GLG1: variants seen among roughly 807,000 people sequenced by gnomAD.
GLG1 encodes Golgi apparatus protein 1.
Under a neutral mutation model 160.5 loss-of-function variants are expected in GLG1, and 38 were observed. The ratio of observed to expected loss-of-function variants is 0.24; its 90% CI spans 0.18 to 0.31. GLG1 has a LOEUF of 0.31. Ranked by LOEUF, GLG1 falls within the 10% of genes least tolerant of loss-of-function variation. The pLI is 1.00. For missense variants in GLG1, 1,373 were observed against 1,505.2 expected (o/e 0.91, Z 1.45); for synonymous variants, 644 against 543.4 (o/e 1.19, Z -2.57).
rs1345157594 is a variant in GLG1 at position 74,485,732 on chromosome 16, G to GA, written c.1571+63dup. ...ACAACCACCCAAAAGTCATTTGAAG[G>GA]AATGTTCCCTGTGCTGCCAAATGAA... On this transcript the variant is annotated intron_variant, in intron 9 of 25. Transcript: ENST00000422840. 47 of 1,474,220 alleles carry GA rather than the reference G, an allele frequency of 3.2e-5. No individual in the cohort carries two copies. The East Asian group carries it at 1.1e-3, about 33-fold the overall frequency. The allele number at this position is 1,474,220 out of a possible 1,614,324, so 91.3% of individuals were successfully genotyped here. A position where few individuals can be genotyped will look rare whatever the true frequency, so the allele number is the denominator to read the frequency against.
Position 74,528,516 on chromosome 16 carries a change from T to C in GLG1, c.471+3605A>G, listed in dbSNP as rs148292492. Among the ~76,000 whole-genome samples the C allele has an allele frequency of 2.1e-3, 320 of 152,070 alleles. No individual in the cohort carries two copies. In the Middle Eastern group the frequency reaches 0.024, roughly 11 times the overall value. On this transcript the variant is annotated intron_variant, in intron 2 of 25. Coordinates refer to ENST00000422840, the MANE Select transcript of GLG1 (RefSeq NM_001145667.2). ...TTATCTTTTCGTTTTGGCAGATTGTTAATAATGTGTCTAGGCTAGGTGTGG... is the reference window on the plus strand; with the variant it reads ...TTATCTTTTCGTTTTGGCAGATTGTCAATAATGTGTCTAGGCTAGGTGTGG...
chr16:74,599,045 T>G (rs1360703263), intron 1 of GLG1, among the ~76,000 whole-genome samples: 1 of 152,126 alleles, frequency 6.6e-6, no homozygotes, highest in Non-Finnish European at 1.5e-5. Context: ...TTTTATTTCC[T>G]TCTACAGAAC....
intron 1 of GLG1, among the ~76,000 whole-genome samples, chr16:74,593,306 A>C (rs754353812): frequency 3.2e-4 from 49 of 152,114 alleles, no homozygotes; most frequent in Non-Finnish European, 7.3e-5. Context: ...GTTACTGTCC[A>C]CTTCATGCTA....
At chr16:74,571,164 G>A (rs1272235564) in intron 1 of GLG1, among the ~76,000 whole-genome samples, 1 of 152,072 alleles carries the variant, frequency 6.6e-6, no homozygotes, top group Non-Finnish European at 1.5e-5. Flanking sequence ...GATGAGACAT[G>A]GAGCCCAGTT....
intron 22 of GLG1, among the ~76,000 whole-genome samples, chr16:74,460,949 CACGCACACAT>C (rs1173340233): frequency 6.6e-6 from 1 of 152,222 alleles, no homozygotes; most frequent in Non-Finnish European, 1.5e-5. Context: ...CCCGCACACA[CACGCACACAT>C]ACACAGGAGT....
chr16:74,460,003 G>A (rs558092927), intron 22 of GLG1, among the ~76,000 whole-genome samples: 9 of 150,474 alleles, frequency 6.0e-5, no homozygotes, highest in East Asian at 5.9e-4. Context: ...CTACAGGCGC[G>A]TGCTACCATG....
intron 2 of GLG1, among the ~76,000 whole-genome samples, chr16:74,528,025 C>A (rs1355476139): frequency 2.7e-5 from 4 of 150,894 alleles, no homozygotes; most frequent in African/African-American, 4.9e-5. Flanking sequence ...GCTGGGACTA[C>A]AGATGCCCAC....
intron 1 of GLG1, among the ~76,000 whole-genome samples, chr16:74,570,992 T>C (rs1246522169): frequency 6.6e-6 from 1 of 152,046 alleles, no homozygotes; most frequent in African/African-American, 2.4e-5. Context: ...CTTGGCACTT[T>C]AACCTTTTGA....
chr16:74,503,201 T>C (rs575044998), intron 4 of GLG1, among the ~76,000 whole-genome samples: 21 of 151,846 alleles, frequency 1.4e-4, no homozygotes, highest in African/African-American at 4.8e-4. Flanking sequence ...AGGGAGACTC[T>C]GTTTCAAAAA....
intron 4 of GLG1, among the ~76,000 whole-genome samples, 195 bp from the exon 5 acceptor site, chr16:74,496,839 T>C (rs536129074): frequency 6.6e-6 from 1 of 151,810 alleles, no homozygotes; most frequent in African/African-American, 2.4e-5. Context: ...TTAAAGAAAA[T>C]GCTCTCAATA....
intron 2 of GLG1, among the ~76,000 whole-genome samples, chr16:74,512,543 C>T (rs140535060): frequency 3.3e-5 from 5 of 152,166 alleles, no homozygotes; most frequent in South Asian, 2.1e-4. Context: ...GAATTACAGA[C>T]GTGAGTCATC....
intron 1 of GLG1, among the ~76,000 whole-genome samples, chr16:74,581,621 A>T (rs1957939733): frequency 6.6e-6 from 1 of 151,554 alleles, no homozygotes. Flanking sequence ...AAGGGAGGAC[A>T]CTCCTGTTAA....
At position 74,491,249 on chromosome 16, in the gene GLG1, G is replaced by C. The variant is rs867633227; in HGVS notation, c.1235-34C>G. The C allele has an allele frequency of 4.2e-6, 6 of 1,442,902 alleles. No homozygotes were observed. In the Middle Eastern group the frequency reaches 5.2e-4, roughly 125 times the overall value. 89.4% of individuals were successfully genotyped at this position (1,442,902 alleles called of 1,614,324 possible). A position where few individuals can be genotyped will look rare whatever the true frequency, so the allele number is the denominator to read the frequency against. On this transcript the variant is annotated intron_variant, in intron 7 of 25. Transcript: ENST00000422840. Reference sequence around the variant, plus strand: ...GGATGTAAGTCATAACATTACGAAGGGTGATGCTATGTATTAGCATCAGAA... The same window carrying C: ...GGATGTAAGTCATAACATTACGAAGCGTGATGCTATGTATTAGCATCAGAA...
At chr16:74,501,036 A>C (rs757513430) in intron 4 of GLG1, among the ~76,000 whole-genome samples, 3 of 152,240 alleles carry the variant, frequency 2.0e-5, no homozygotes, top group African/African-American at 7.2e-5. Flanking sequence ...CCAGTCATAG[A>C]AGAGTTTCAA....
chr16:74,459,402 C>T (rs1370626689), intron 23 of GLG1, among the ~76,000 whole-genome samples: 2 of 152,084 alleles, frequency 1.3e-5, no homozygotes, highest in Non-Finnish European at 2.9e-5. Context: ...GGCGTGAACC[C>T]GGGAGGCAGA....
chr16:74,492,426 T>C (rs1209310438), intron 7 of GLG1, among the ~76,000 whole-genome samples: 1 of 151,252 alleles, frequency 6.6e-6, no homozygotes, highest in East Asian at 2.0e-4. Context: ...CTCACGCCTG[T>C]AATCCTAGCA....
In GLG1 at chr16:74,542,716, G is replaced by GGAAGGAAGGGAGGGAGGGA. The variant is rs752290157; in HGVS notation, c.439-10564_439-10563insTCCCTCCCTCCCTTCCTTC. 4.1e-3 allele frequency among the ~76,000 whole-genome samples: 122 copies of GGAAGGAAGGGAGGGAGGGA among 29,780 alleles called. 17 individuals carry two copies. Among genetic ancestry groups the GGAAGGAAGGGAGGGAGGGA allele is most frequent in the Non-Finnish European group, 6.4e-3 (102 of 15,824 alleles). The allele number at this position is 29,780 out of a possible 152,430, so 19.5% of individuals were successfully genotyped here. On this transcript the variant is annotated intron_variant, in intron 1 of 25. Transcript: ENST00000422840. ...AAGGAGGGAGGGAGGAAGGGAAGAAGGGAAGGAAGGAAGGAAGGGAGGAAG... is the reference window on the plus strand; with the variant it reads ...AAGGAGGGAGGGAGGAAGGGAAGAAGGAAGGAAGGGAGGGAGGGAGGAAGGAAGGAAGGAAGGGAGGAAG...
chr16:74,462,087 A>G lies in GLG1; in HGVS notation c.3036+7T>C. The G allele has an allele frequency of 6.6e-7, 1 of 1,520,500 alleles. No homozygotes were observed. The highest frequency in any genetic ancestry group is 9.1e-7 in the Non-Finnish European group (1 of 1,097,164). The allele number at this position is 1,520,500 out of a possible 1,614,324, so 94.2% of individuals were successfully genotyped here. A position where few individuals can be genotyped will look rare whatever the true frequency, so the allele number is the denominator to read the frequency against. On this transcript the variant is annotated splice_region_variant and intron_variant, in intron 22 of 25. Transcript: ENST00000422840. ...TGTGCGTAACCAGTTTTGCACGCAA[A>G]TCCCACCTCGTCTGAGCAGTGCAGC...
intron 13 of GLG1, among the ~76,000 whole-genome samples, chr16:74,474,007 A>G (rs1411097895): frequency 3.3e-5 from 5 of 151,412 alleles, no homozygotes; most frequent in African/African-American, 1.2e-4. Flanking sequence ...AGGCTGGAGT[A>G]CAGTGGCGCA....
Sources: gnomAD v4.1 joint callset for allele counts (sites outside exome capture counted in the v4.1 genomes callset) on GRCh38, gnomAD v4.1.1 for gene constraint, MANE v1.5 for transcripts, NCBI Gene and HGNC (gene_info 2026-07-23, HGNC 2026-07-21) for gene names.